The following ZNF385B variants were observed in gnomAD, a reference collection of about 807,000 sequenced individuals.
ZNF385B encodes the protein zinc finger protein 533.
ZNF385B carries 23 observed loss-of-function variants against 39.2 expected under a neutral mutation model. That is an observed-to-expected ratio of 0.59 (90% confidence interval 0.42 to 0.83). The LOEUF is 0.83. ZNF385B is among the 40% of genes least tolerant of loss of function. The pLI is 0.00. For missense variants in ZNF385B, 552 were observed against 598.9 expected, an observed-to-expected ratio of 0.92 and a Z score of 0.82; for synonymous variants, 205 against 222.6, an observed-to-expected ratio of 0.92 and a Z score of 0.70.
At chr2:179,601,666 T>C (rs1688420168) in intron 3 of ZNF385B, among the ~76,000 whole-genome samples, 1 of 152,202 alleles carries the variant, frequency 6.6e-6, no homozygotes, top group Admixed American at 6.5e-5. Flanking sequence ...TTTAGCAATG[T>C]ATATATTTAC....
chr2:179,736,420 C>A (rs1044691520), intron 3 of ZNF385B, among the ~76,000 whole-genome samples: 1 of 151,952 alleles, frequency 6.6e-6, no homozygotes, highest in Non-Finnish European at 1.5e-5. Context: ...ACTCATTGGA[C>A]CATTAAGCTT....
chr2:179,558,650 T>C (rs2061115530), intron 3 of ZNF385B, among the ~76,000 whole-genome samples: 1 of 152,080 alleles, frequency 6.6e-6, no homozygotes. Context: ...ATAGAAACAG[T>C]AAAATCTGCT....
chr2:179,499,693 G>A (rs1382429432), intron 5 of ZNF385B, among the ~76,000 whole-genome samples: 1 of 151,860 alleles, frequency 6.6e-6, no homozygotes, highest in African/African-American at 2.4e-5. Context: ...ATACTGAATG[G>A]GGAGAAACTT....
intron 6 of ZNF385B, among the ~76,000 whole-genome samples, chr2:179,480,516 A>G (rs1345859603): frequency 2.0e-5 from 3 of 152,222 alleles, no homozygotes; most frequent in Non-Finnish European, 4.4e-5. Flanking sequence ...TCAAGAATTT[A>G]GAAACAGGCA....
At chr2:179,589,801 A>G (rs1687399200) in intron 3 of ZNF385B, among the ~76,000 whole-genome samples, 1 of 152,194 alleles carries the variant, frequency 6.6e-6, no homozygotes, top group Non-Finnish European at 1.5e-5. Context: ...TGCATGTCTT[A>G]TGGAAAGCTA....
intron 1 of ZNF385B, among the ~76,000 whole-genome samples, chr2:179,833,367 T>C (rs1708083621): frequency 6.6e-6 from 1 of 152,118 alleles, no homozygotes; most frequent in Non-Finnish European, 1.5e-5. Context: ...CTATAGATGA[T>C]GTATACCTAA....
chr2:179,755,792 T>C (rs1391400679), intron 3 of ZNF385B, among the ~76,000 whole-genome samples: 2 of 152,196 alleles, frequency 1.3e-5, no homozygotes, highest in Admixed American at 1.3e-4. Flanking sequence ...TTGGTAGATC[T>C]TCCTCCATCC....
intron 1 of ZNF385B, among the ~76,000 whole-genome samples, chr2:179,829,306 A>G (rs1707844920): frequency 6.6e-6 from 1 of 152,224 alleles, no homozygotes; most frequent in Non-Finnish European, 1.5e-5. Context: ...TATATCCAAG[A>G]ATAATGTAAA....
chr2:179,474,113 A>G (rs2053147646), intron 6 of ZNF385B, among the ~76,000 whole-genome samples: 1 of 152,142 alleles, frequency 6.6e-6, no homozygotes. Context: ...TGATTTAAAA[A>G]AAAAAACAGT....
intron 4 of ZNF385B, among the ~76,000 whole-genome samples, chr2:179,527,909 G>T (rs979156567): frequency 2.6e-5 from 4 of 151,950 alleles, no homozygotes; most frequent in Admixed American, 2.6e-4. Context: ...AATAAATAAG[G>T]TATTTTCAGA....
At chr2:179,716,381 TG>T (rs950542908) in intron 3 of ZNF385B, among the ~76,000 whole-genome samples, 32 of 152,206 alleles carry the variant, frequency 2.1e-4, no homozygotes, top group Admixed American at 8.5e-4. Context: ...GTGTAATCCC[TG>T]ACCTATTTTC....
At chr2:179,637,408 G>T (rs913166793) in intron 3 of ZNF385B, 1 of 149,480 alleles carries the variant, frequency 6.7e-6, no homozygotes, top group African/African-American at 2.5e-5. Flanking sequence ...AAAACTTCTA[G>T]TTAAGCTTTG....
chr2:179,619,979 C>A (rs937958391), intron 3 of ZNF385B, among the ~76,000 whole-genome samples: 1 of 152,136 alleles, frequency 6.6e-6, no homozygotes, highest in African/African-American at 2.4e-5. Context: ...CTCTGAATGT[C>A]AATTTCTGAC....
intron 4 of ZNF385B, among the ~76,000 whole-genome samples, chr2:179,532,480 C>T (rs565443932): frequency 5.3e-5 from 8 of 152,184 alleles, no homozygotes; most frequent in Non-Finnish European, 8.8e-5. Flanking sequence ...CAAGTGTCTC[C>T]GTAACATTCA....
At chr2:179,751,201 T>C (rs991082965) in intron 3 of ZNF385B, among the ~76,000 whole-genome samples, 2 of 124,512 alleles carry the variant, frequency 1.6e-5, no homozygotes, top group Admixed American at 9.7e-5. Flanking sequence ...TTCTGCCTAC[T>C]GCATACAAGG....
intron 6 of ZNF385B, among the ~76,000 whole-genome samples, chr2:179,469,909 T>A (rs1387769561): frequency 6.6e-6 from 1 of 152,210 alleles, no homozygotes; most frequent in Non-Finnish European, 1.5e-5. Context: ...GTGACTGGAT[T>A]AGGCATGTAC....
chr2:179,719,572 C>T (rs1700551119), intron 3 of ZNF385B, among the ~76,000 whole-genome samples: 1 of 152,190 alleles, frequency 6.6e-6, no homozygotes, highest in Admixed American at 6.5e-5. Context: ...GCATTGCCCA[C>T]TTGGTATGAC....
At chr2:179,800,666 G>C (rs1355196837) in intron 1 of ZNF385B, among the ~76,000 whole-genome samples, 1 of 152,014 alleles carries the variant, frequency 6.6e-6, no homozygotes, top group East Asian at 1.9e-4. Context: ...CACTCACTGG[G>C]GGAGGAAGAG....
chr2:179,562,268 A>T (rs954336791), intron 3 of ZNF385B: 2 of 646,320 alleles, frequency 3.1e-6, no homozygotes, highest in South Asian at 1.4e-4. Flanking sequence ...CAAAATTAGC[A>T]AATTCTATTT....
Sources: allele counts gnomAD v4.1 joint callset (sites outside exome capture counted in the v4.1 genomes callset), GRCh38; gene constraint gnomAD v4.1.1; transcripts MANE v1.5; gene names NCBI Gene and HGNC (gene_info 2026-07-23, HGNC 2026-07-21).